Variants in CLEC4A observed in about 807,000 individuals in gnomAD.
The protein encoded by CLEC4A is C-type (calcium dependent, carbohydrate-recognition domain) lectin, superfamily member 6.
In CLEC4A, 27 loss-of-function variants were observed where a neutral mutation model predicts 32.7. The ratio of observed to expected loss-of-function variants is 0.83; its 90% CI spans 0.61 to 1.14. The LOEUF (loss-of-function observed/expected upper bound fraction) is 1.14. CLEC4A is among the 50% of genes most tolerant of loss of function. The pLI, the probability that CLEC4A is intolerant of heterozygous loss-of-function variation, is 0.00. For missense variants in CLEC4A, 253 were observed against 274.6 expected (o/e 0.92, Z 0.55); for synonymous variants, 89 against 93.7 (o/e 0.95, Z 0.29).
At chr12:8,124,122 C>T (rs760728294) in intron 1 of CLEC4A, among the ~76,000 whole-genome samples, 162 bp downstream of exon 1, 2 of 152,112 alleles carry the variant, frequency 1.3e-5, no homozygotes, top group African/African-American at 2.4e-5. Flanking sequence ...ATACGCATTA[C>T]GGGGTGTACA....
chr12:8,119,916 T>C (rs1947816868), upstream of CLEC4A, among the ~76,000 whole-genome samples: 1 of 152,136 alleles, frequency 6.6e-6, no homozygotes, highest in African/African-American at 2.4e-5. Context: ...GGTTTTATGA[T>C]TTATTAGAAT....
chr12:8,120,352 A>G (rs752218052), upstream of CLEC4A, among the ~76,000 whole-genome samples: 1 of 152,232 alleles, frequency 6.6e-6, no homozygotes, highest in Non-Finnish European at 1.5e-5. Context: ...GCCCATCATG[A>G]GAGACCTCAT....
At chr12:8,112,643 T>C in the CLEC4A span, among the ~76,000 whole-genome samples, 1 of 152,156 alleles carries the variant, frequency 6.6e-6, no homozygotes, top group South Asian at 2.1e-4. Context: ...TTTAGTGTGT[T>C]TTCCTTATGG....
intron 3 of CLEC4A, among the ~76,000 whole-genome samples, chr12:8,130,770 T>A (rs1261428017): frequency 3.3e-5 from 5 of 152,244 alleles, no homozygotes; most frequent in Non-Finnish European, 7.3e-5. Flanking sequence ...TCTGCACACA[T>A]GCTCTCCCCT....
upstream of CLEC4A, among the ~76,000 whole-genome samples, chr12:8,119,722 C>G (rs1947815523): frequency 6.6e-6 from 1 of 152,128 alleles, no homozygotes; most frequent in Non-Finnish European, 1.5e-5. Context: ...ATTAACAATA[C>G]TGAGCTATTA....
At chr12:8,134,409 T>C in intron 3 of CLEC4A, 1 of 1,613,938 alleles carries the variant, frequency 6.2e-7, no homozygotes, top group Non-Finnish European at 8.5e-7. Context: ...CTTGGCAAAT[T>C]GCTCGAGTTC....
At chr12:8,127,515 A>G (rs1947922858) in intron 2 of CLEC4A, among the ~76,000 whole-genome samples, 1 of 152,252 alleles carries the variant, frequency 6.6e-6, no homozygotes. Flanking sequence ...GCAATGTCAC[A>G]GTCATAGAGA....
chr12:8,118,395 TAA>T, the CLEC4A span, among the ~76,000 whole-genome samples: 125,188 of 147,846 alleles, frequency 0.85, 55,812 homozygotes, highest in Non-Finnish European at 0.98. Context: ...TGCACTGCTA[TAA>T]AAAAAAAAAA....
chr12:8,122,859 G>T (rs953682011), upstream of CLEC4A, among the ~76,000 whole-genome samples: 2 of 151,924 alleles, frequency 1.3e-5, no homozygotes, highest in Non-Finnish European at 2.9e-5. Context: ...TGTTATGCAG[G>T]AGAAGGAATC....
In CLEC4A at chr12:8,125,614, C is replaced by T; in HGVS notation, c.136C>T (p.Leu46Phe). The change falls in exon 2 of 6, where the codon CTT becomes TTT. Residue 46 changes from leucine (L) to phenylalanine (F), a missense_variant. By Grantham distance (22) the Leu-to-Phe change is conservative. Coordinates refer to ENST00000229332, the MANE Select transcript of CLEC4A (RefSeq NM_016184.4). The part of the protein sequence containing the change: ...HKSNTGFPKL[L>F]CASLLIFFLL... ...AAGTAATACCGGATTCCCCAAGCTG[C>T]TTTGTGCCTCACTGTTGATATTTTT... The T allele has an allele frequency of 6.2e-7, 1 of 1,613,666 alleles. No individual in the cohort carries two copies. The highest frequency in any genetic ancestry group is 8.5e-7 in the Non-Finnish European group (1 of 1,179,596).
chr12:8,116,569 T>C, the CLEC4A span, among the ~76,000 whole-genome samples: 9 of 152,234 alleles, frequency 5.9e-5, no homozygotes, highest in Admixed American at 5.9e-4. Context: ...ATCAAGAATA[T>C]AATAGGAATT....
chr12:8,130,388 T>A (rs1318484320), intron 3 of CLEC4A, among the ~76,000 whole-genome samples: 2 of 152,072 alleles, frequency 1.3e-5, no homozygotes, highest in Admixed American at 1.3e-4. Context: ...TATTATTATT[T>A]TTGAGATAGG....
chr12:8,128,493 C>G (rs1947938394), intron 2 of CLEC4A, among the ~76,000 whole-genome samples: 1 of 151,596 alleles, frequency 6.6e-6, no homozygotes, highest in South Asian at 2.1e-4. Flanking sequence ...TCACCGCAAC[C>G]TCCGCCTCCC....
chr12:8,124,035 G>C, intron 1 of CLEC4A, 75 bp downstream of exon 1: 1 of 975,132 alleles, frequency 1.0e-6, no homozygotes. Context: ...ATAAGGCATA[G>C]GTGTTTTCAG....
the CLEC4A span, among the ~76,000 whole-genome samples, chr12:8,107,009 T>TC: frequency 1.3e-5 from 2 of 152,200 alleles, no homozygotes; most frequent in African/African-American, 2.4e-5. Context: ...TGGCTGTGGG[T>TC]CTGTCATAGA....
chr12:8,104,458 C>T, the CLEC4A span, among the ~76,000 whole-genome samples: 14 of 152,304 alleles, frequency 9.2e-5, no homozygotes, highest in South Asian at 2.1e-4. Flanking sequence ...CGAAAGCCTA[C>T]GGCTGGCTTC....
chr12:8,132,440 G>A (rs900466114), intron 3 of CLEC4A, among the ~76,000 whole-genome samples: 26 of 152,130 alleles, frequency 1.7e-4, no homozygotes, highest in African/African-American at 3.9e-4. Flanking sequence ...AGTTTCAAGC[G>A]TATGGAGATT....
chr12:8,125,373 A>G (rs1947883539), intron 1 of CLEC4A, among the ~76,000 whole-genome samples, 188 bp from the exon 2 acceptor site: 2 of 152,150 alleles, frequency 1.3e-5, no homozygotes, highest in African/African-American at 4.8e-5. Flanking sequence ...TCGTACTTTT[A>G]TGTATTTTTT....
intron 3 of CLEC4A, chr12:8,133,685 T>C: frequency 6.5e-7 from 1 of 1,548,992 alleles, no homozygotes; most frequent in South Asian, 1.2e-5. Flanking sequence ...AAGAACTTAA[T>C]CCCAAAAGCC....
Sources: gnomAD v4.1 joint callset for allele counts (sites outside exome capture counted in the v4.1 genomes callset) on GRCh38, gnomAD v4.1.1 for gene constraint, MANE v1.5 for transcripts, NCBI Gene and HGNC (gene_info 2026-07-23, HGNC 2026-07-21) for gene names.